The following CHORDC1 variants were observed in gnomAD, a reference collection of about 807,000 sequenced individuals.
CHORDC1 encodes cysteine and histidine-rich domain-containing protein 1.
CHORDC1 carries 25 observed loss-of-function variants against 48.3 expected under a neutral mutation model. The observed-to-expected ratio is 0.52, with a 90% confidence interval of 0.38 to 0.72. The LOEUF (loss-of-function observed/expected upper bound fraction) is 0.72. Among genes scored for constraint, CHORDC1 ranks in the 30% least tolerant of loss-of-function variants. The pLI, the probability that CHORDC1 is intolerant of heterozygous loss-of-function variation, is 0.00. For missense variants in CHORDC1, 317 were observed against 388.7 expected (o/e 0.82, Z 1.55); for synonymous variants, 128 against 126.4 (o/e 1.01, Z -0.09).
chr11:90,217,910 A>C (rs990474754), intron 2 of CHORDC1: 4 of 297,610 alleles, frequency 1.3e-5, no homozygotes, highest in East Asian at 6.4e-5. Flanking sequence ...AAAAAAAAAA[A>C]AACCCAGAAT....
intron 4 of CHORDC1, 180 bp downstream of exon 4, chr11:90,213,838 G>A: frequency 1.8e-6 from 1 of 555,626 alleles, no homozygotes. Flanking sequence ...TTGTGTACAT[G>A]CTCTCAAGTT....
intron 2 of CHORDC1, among the ~76,000 whole-genome samples, chr11:90,215,818 T>C (rs910957116): frequency 3.9e-5 from 6 of 152,030 alleles, no homozygotes; most frequent in Non-Finnish European, 7.4e-5. Flanking sequence ...AAAAAATGGC[T>C]TTAATAATTA....
intron 5 of CHORDC1, 75 bp from the exon 6 acceptor site, chr11:90,210,669 G>GT: frequency 1.2e-6 from 1 of 853,434 alleles, no homozygotes; most frequent in Non-Finnish European, 1.8e-6. Context: ...TAAAAACTAG[G>GT]TTTTTCCAGA....
intron 1 of CHORDC1, among the ~76,000 whole-genome samples, chr11:90,222,157 AT>A (rs2135062488): frequency 1.3e-5 from 2 of 152,206 alleles, no homozygotes; most frequent in Admixed American, 1.3e-4. Flanking sequence ...CCTAATAGTC[AT>A]TTTCGCTTTG....
chr11:90,209,937 A>AT (rs1857813964), intron 6 of CHORDC1, among the ~76,000 whole-genome samples: 2 of 152,216 alleles, frequency 1.3e-5, no homozygotes, highest in Non-Finnish European at 2.9e-5. Context: ...ATGGCTTAAA[A>AT]GAACCACCAT....
At chr11:90,202,971 A>C in intron 9 of CHORDC1, 96 bp from the exon 10 acceptor site, 1 of 1,372,464 alleles carries the variant, frequency 7.3e-7, no homozygotes, top group Non-Finnish European at 9.7e-7. Context: ...AAAATGAATT[A>C]AGCTATTTTA....
intron 6 of CHORDC1, chr11:90,208,516 CA>C (rs1857768988): frequency 6.6e-6 from 1 of 151,850 alleles, no homozygotes; most frequent in Non-Finnish European, 1.5e-5. Flanking sequence ...GTGGCACATT[CA>C]AATAATGACA....
chr11:90,221,071 G>A (rs776684353), intron 1 of CHORDC1, among the ~76,000 whole-genome samples: 4 of 151,686 alleles, frequency 2.6e-5, no homozygotes, highest in Admixed American at 1.3e-4. Context: ...CAACGAGCAC[G>A]GTAATTATGC....
intron 6 of CHORDC1, chr11:90,208,128 T>A (rs185506960): frequency 1.3e-5 from 2 of 152,136 alleles, no homozygotes; most frequent in South Asian, 2.1e-4. Context: ...ACAAAAGTCA[T>A]GCACAAGAAT....
At chr11:90,210,754 C>T in intron 5 of CHORDC1, 160 bp from the exon 6 acceptor site, 2 of 587,840 alleles carry the variant, frequency 3.4e-6, no homozygotes, top group South Asian at 4.3e-5. Flanking sequence ...CACATTTCTT[C>T]TTCTTTTGAG....
chr11:90,222,862 A>T (rs1170912187), intron 1 of CHORDC1, 29 bp downstream of exon 1: 14 of 1,600,544 alleles, frequency 8.7e-6, no homozygotes, highest in Non-Finnish European at 1.2e-5. Flanking sequence ...GGTGGAGGGG[A>T]GGGAGGGCTG....
chr11:90,219,713 A>G (rs531600412), intron 1 of CHORDC1, among the ~76,000 whole-genome samples: 18 of 152,320 alleles, frequency 1.2e-4, no homozygotes, highest in Admixed American at 9.8e-4. Flanking sequence ...GGAGGCTCTC[A>G]GCTCTAAGGC....
At chr11:90,222,602 T>G in intron 1 of CHORDC1, 1 of 636,402 alleles carries the variant, frequency 1.6e-6, no homozygotes, top group East Asian at 3.2e-5. Context: ...CCAGGCGACT[T>G]AAAAGGAGTG....
At chr11:90,216,305 T>C (rs921865990) in intron 2 of CHORDC1, among the ~76,000 whole-genome samples, 2 of 152,192 alleles carry the variant, frequency 1.3e-5, no homozygotes, top group African/African-American at 4.8e-5. Context: ...GATTCTATGC[T>C]AGTCTTCAGT....
At chr11:90,202,940 A>G (rs1367313771) in intron 9 of CHORDC1, 65 bp from the exon 10 acceptor site, 16 of 1,486,462 alleles carry the variant, frequency 1.1e-5, no homozygotes, top group Non-Finnish European at 1.3e-5. Context: ...TCAAACACTG[A>G]TTATAAAAAT....
chr11:90,210,261 T>G (rs886851177), intron 6 of CHORDC1, among the ~76,000 whole-genome samples: 1 of 152,200 alleles, frequency 6.6e-6, no homozygotes, highest in African/African-American at 2.4e-5. Flanking sequence ...AAAGAAATGT[T>G]TGCTTTATTT....
rs1857541745 is a variant in CHORDC1, at chr11:90,201,462, TTTTTA to T, written c.*938_*942del. 1 of 151,988 alleles carries T rather than the reference TTTTTA, an allele frequency of 6.6e-6. No individual in the cohort carries two copies. The highest frequency in any genetic ancestry group is 2.4e-5 in the African/African-American group (1 of 41,446). The allele number at this position is 151,988 out of a possible 1,614,324, so 9.4% of individuals were successfully genotyped here. A position where few individuals can be genotyped will look rare whatever the true frequency, so the allele number is the denominator to read the frequency against. On this transcript the variant is annotated 3_prime_UTR_variant, in exon 11 of 11. Coordinates refer to ENST00000320585, the MANE Select transcript of CHORDC1 (RefSeq NM_012124.3). ...AAAAAACTCCAAAACAATTAAGCTATTTTTATTTAACATGTAATAGTCATAAAGCA... is the reference window on the plus strand; with the variant it reads ...AAAAAACTCCAAAACAATTAAGCTATTTTAACATGTAATAGTCATAAAGCA...
intron 6 of CHORDC1, chr11:90,207,865 T>G (rs2135035023): frequency 7.3e-6 from 1 of 136,328 alleles, no homozygotes; most frequent in East Asian, 2.4e-4. Flanking sequence ...CGTAAACAAA[T>G]ACAACCACCT....
intron 1 of CHORDC1, chr11:90,222,686 G>C: frequency 1.4e-6 from 1 of 699,088 alleles, no homozygotes; most frequent in Non-Finnish European, 2.6e-6. Context: ...GTCAGGCGCC[G>C]GGGCCGGGCG....
Sources: allele counts gnomAD v4.1 joint callset (sites outside exome capture counted in the v4.1 genomes callset), GRCh38; gene constraint gnomAD v4.1.1; transcripts MANE v1.5; gene names NCBI Gene and HGNC (gene_info 2026-07-23, HGNC 2026-07-21).